CYP4F11: variants seen among roughly 807,000 people sequenced by gnomAD.
CYP4F11 encodes the protein cytochrome P450 4F11.
A neutral mutation model predicts 62.2 loss-of-function variants in CYP4F11; 79 were observed. The ratio of observed to expected loss-of-function variants is 1.27; its 90% CI spans 1.06 to 1.53. The LOEUF (loss-of-function observed/expected upper bound fraction) is 1.53. Among genes scored for constraint, CYP4F11 ranks in the 40% most tolerant of loss-of-function variants. The probability of loss-of-function intolerance (pLI) is 0.00; values close to 1 mark genes in which losing one functional copy is unlikely to be tolerated. For missense variants in CYP4F11, 777 were observed against 680.5 expected, an observed-to-expected ratio of 1.14 and a Z score of -1.58; for synonymous variants, 290 against 263.7, an observed-to-expected ratio of 1.10 and a Z score of -0.97.
intron 2 of CYP4F11, among the ~76,000 whole-genome samples, chr19:15,929,207 G>T (rs1198997617): frequency 1.3e-5 from 2 of 152,180 alleles, no homozygotes; most frequent in East Asian, 3.8e-4. Flanking sequence ...CGAGGACAGG[G>T]CCCTAAATTG....
chr19:15,912,998 A>C lies in CYP4F11; in HGVS notation c.*734T>G, dbSNP rs1472257360. ...TAATGGCTCCATATATTTAGCATTCATTGTGTGCCAGGCACAGCTCTGAGT... is the reference window on the plus strand; with the variant it reads ...TAATGGCTCCATATATTTAGCATTCCTTGTGTGCCAGGCACAGCTCTGAGT... On this transcript the variant is annotated 3_prime_UTR_variant, in exon 12 of 12. Transcript: ENST00000402119. 1 of 151,732 alleles carries C rather than the reference A, an allele frequency of 6.6e-6. No homozygotes were observed. 9.4% of individuals were successfully genotyped at this position (151,732 alleles called of 1,614,324 possible). A position where few individuals can be genotyped will look rare whatever the true frequency, so the allele number is the denominator to read the frequency against.
intron 1 of CYP4F11, among the ~76,000 whole-genome samples, chr19:15,931,693 TGAGTGAGC>T (rs2089726438): frequency 1.6e-5 from 1 of 60,712 alleles, no homozygotes; most frequent in Non-Finnish European, 2.9e-5. Flanking sequence ...AGGAGAGGAA[TGAGTGAGC>T]GAGGAGAGGA....
chr19:15,925,930 C>T (rs567643066), intron 4 of CYP4F11, among the ~76,000 whole-genome samples: 1 of 151,696 alleles, frequency 6.6e-6, no homozygotes, highest in African/African-American at 2.4e-5. Context: ...TTTGGGAGGC[C>T]AAGGCAGGTG....
intron 2 of CYP4F11, 44 bp downstream of exon 2, chr19:15,929,413 T>A (rs766773294): frequency 1.2e-6 from 2 of 1,612,790 alleles, no homozygotes; most frequent in Admixed American, 1.7e-5. Flanking sequence ...TAGAAGGCCT[T>A]TGATGTTTCC....
Position 15,913,859 on chromosome 19 carries a change from G to T in CYP4F11, c.1448C>A (p.Ala483Glu). The part of the protein sequence containing the change: ...FAMAEMKVVL[A>E]LTLLHFRILP... ...GATGCGGAAGTGCAGCAGGGTGAGC[G>T]CCAGGACCACCTTCATCTCAGCCAT... Residue 483 changes from alanine (A) to glutamate (E), a missense_variant, in exon 12 of 12, where the codon GCG becomes GAG. Ala to Glu is a moderately radical substitution (Grantham distance 107). Transcript: ENST00000402119. 6.2e-7 allele frequency: 1 copy of T among 1,614,090 alleles called. No individual in the cohort carries two copies. The highest frequency in any genetic ancestry group is 8.5e-7 in the Non-Finnish European group (1 of 1,180,004).
At chr19:15,914,736 G>C (rs746035586) in intron 9 of CYP4F11, 26 bp downstream of exon 9, 17 of 1,613,784 alleles carry the variant, frequency 1.1e-5, no homozygotes, top group Admixed American at 1.7e-5. Context: ...TACCCAGGAG[G>C]CTCCTCCCCC....
intron 1 of CYP4F11, among the ~76,000 whole-genome samples, chr19:15,929,842 A>G (rs1347737216): frequency 6.6e-6 from 1 of 152,170 alleles, no homozygotes; most frequent in Non-Finnish European, 1.5e-5. Context: ...TTGATGGTGC[A>G]GATACAACAA....
At chr19:15,917,332 T>G (rs563498110) in intron 8 of CYP4F11, among the ~76,000 whole-genome samples, 60 of 152,128 alleles carry the variant, frequency 3.9e-4, no homozygotes, top group African/African-American at 1.4e-3. Flanking sequence ...TGTACACTGT[T>G]TAGGAGACAG....
intron 1 of CYP4F11, among the ~76,000 whole-genome samples, chr19:15,931,649 G>A (rs868046370): frequency 9.9e-4 from 57 of 57,322 alleles, no homozygotes; most frequent in Admixed American, 2.6e-3. Flanking sequence ...AGCGAGGAGA[G>A]GAATGAGTGA....
At chr19:15,916,689 T>C (rs2089585566) in intron 8 of CYP4F11, among the ~76,000 whole-genome samples, 1 of 152,108 alleles carries the variant, frequency 6.6e-6, no homozygotes, top group Admixed American at 6.5e-5. Context: ...TCATCACTAA[T>C]CATCAGGGAA....
intron 1 of CYP4F11, among the ~76,000 whole-genome samples, chr19:15,931,563 A>AGGAGAGGAATGAGTGAGCGG (rs2089720210): frequency 2.2e-5 from 2 of 92,346 alleles, no homozygotes; most frequent in Non-Finnish European, 4.7e-5. Flanking sequence ...TGAGTGAGCG[A>AGGAGAGGAATGAGTGAGCGG]GGAGAGGAAT....
At chr19:15,916,355 G>A (rs6512076) in intron 8 of CYP4F11, among the ~76,000 whole-genome samples, 82,550 of 151,890 alleles carry the variant, frequency 0.54, 23,013 homozygotes, top group Non-Finnish European at 0.61. Context: ...AGAAAAGCAA[G>A]TCGGCTTAGG....
chr19:15,914,819 T>C lies in CYP4F11; in HGVS notation c.1192A>G (p.Ile398Val). The change falls in exon 9 of 12, where the codon ATC becomes GTC. Residue 398 changes from isoleucine (I) to valine (V), a missense_variant. Physicochemically the swap from Ile to Val is conservative, Grantham distance 29. Transcript: ENST00000402119. Reference sequence around the variant, plus strand: ...AAGTCCTGCGTGCAACATCGGGAGATGACCGGGACTGGGGGATGCAACCGC... The same window carrying C: ...AAGTCCTGCGTGCAACATCGGGAGACGACCGGGACTGGGGGATGCAACCGC... ...SLRLHPPVPV[I>V]SRCCTQDFVL... The C allele has an allele frequency of 6.2e-7, 1 of 1,614,108 alleles. No individual in the cohort carries two copies. The highest frequency in any genetic ancestry group is 8.5e-7 in the Non-Finnish European group (1 of 1,180,024).
At chr19:15,923,731 G>A (rs2089646729) in intron 6 of CYP4F11, 81 bp downstream of exon 6, 5 of 1,529,908 alleles carry the variant, frequency 3.3e-6, no homozygotes, top group Non-Finnish European at 4.4e-6. Context: ...AGTGCCCTTT[G>A]GATCAAGTCC....
At position 15,922,145 on chromosome 19, in the gene CYP4F11, C is replaced by T. The variant is rs1392731554; in HGVS notation, c.1007G>A (p.Gly336Asp). The T allele has an allele frequency of 6.2e-7, 1 of 1,613,056 alleles. No individual in the cohort carries two copies. The highest frequency in any genetic ancestry group is 2.2e-5 in the East Asian group (1 of 44,870). The change falls in exon 8 of 12, where the codon GGT (glycine) becomes GAT (aspartate). Residue 336 changes from glycine to aspartate, a missense_variant. Physicochemically the swap from Gly to Asp is moderately conservative, Grantham distance 94 (BLOSUM62 -1). Coordinates refer to ENST00000402119, the MANE Select transcript of CYP4F11 (RefSeq NM_021187.4). ...MFEGHDTTASGLSWVLYHLAK... is the reference protein window; with the variant it reads ...MFEGHDTTASDLSWVLYHLAK... The stretch of plus-strand genomic sequence containing the variant: ...AAGGTGGTATAGGACCCAGGAGAGA[C>T]CACTGGCTGTAGTGTCATGGCCTGA...
At chr19:15,930,056 GCTCTCT>G (rs10645958) in intron 1 of CYP4F11, among the ~76,000 whole-genome samples, 4 of 149,724 alleles carry the variant, frequency 2.7e-5, no homozygotes, top group Non-Finnish European at 5.9e-5. Context: ...TCTCTCTCAC[GCTCTCT>G]CTCTCTCTCT....
rs1349222428 is a variant in CYP4F11 at position 15,912,906 on chromosome 19, G to A, written c.*826C>T. 1.3e-5 allele frequency: 2 copies of A among 150,688 alleles called. No homozygotes were observed. The highest frequency in any genetic ancestry group is 2.5e-5 in the African/African-American group (1 of 40,706). The allele number at this position is 150,688 out of a possible 1,614,324, so 9.3% of individuals were successfully genotyped here. On this transcript the variant is annotated 3_prime_UTR_variant, in exon 12 of 12. Coordinates refer to ENST00000402119, the MANE Select transcript of CYP4F11 (RefSeq NM_021187.4). The stretch of plus-strand genomic sequence containing the variant: ...GTTCCAAAACACAGCCTTTAAAGTC[G>A]TGGTAGAAATAACGATCTTGAAAGA...
intron 2 of CYP4F11, chr19:15,927,716 T>A: frequency 1.7e-6 from 1 of 583,906 alleles, no homozygotes; most frequent in Non-Finnish European, 3.0e-6. Context: ...CAGTGACATA[T>A]CTCCTACAAG....
chr19:15,931,371 G>A (rs941667234), intron 1 of CYP4F11, among the ~76,000 whole-genome samples: 1 of 151,870 alleles, frequency 6.6e-6, no homozygotes, highest in Admixed American at 6.5e-5. Flanking sequence ...AGTGGAGAAG[G>A]TGCAAATGCC....
Sources: allele counts gnomAD v4.1 joint callset (sites outside exome capture counted in the v4.1 genomes callset), GRCh38; gene constraint gnomAD v4.1.1; transcripts MANE v1.5; gene names NCBI Gene and HGNC (gene_info 2026-07-23, HGNC 2026-07-21).